Variants in JAKMIP3 observed in about 807,000 individuals in gnomAD.
JAKMIP3 encodes Janus kinase and microtubule interacting protein 3, also known as janus kinase and microtubule-interacting protein 3.
Under a neutral mutation model 118.5 loss-of-function variants are expected in JAKMIP3, and 58 were observed. The ratio of observed to expected loss-of-function variants is 0.49; its 90% confidence interval spans 0.40 to 0.61. JAKMIP3 has a LOEUF of 0.61. JAKMIP3 is among the 20% of genes least tolerant of loss of function. The pLI is 0.00. For missense variants in JAKMIP3, 950 were observed against 1,109.0 expected (o/e 0.86, Z 2.04); for synonymous variants, 486 against 451.2 (o/e 1.08, Z -0.98).
In JAKMIP3 at chr10:132,177,957, C is replaced by T. The variant is rs566904530; in HGVS notation, c.*1104-4400C>T. Among the ~76,000 whole-genome samples, 9 of 128,604 alleles carry T rather than the reference C, an allele frequency of 7.0e-5. 1 individual carries two copies. The highest frequency in any genetic ancestry group is 5.0e-4 in the East Asian group (2 of 3,968). The allele number at this position is 128,604 out of a possible 152,430, so 84.4% of individuals were successfully genotyped here. ...CTGCTCCTGTGCCCTGGGTAGTGTG[C>T]GTGTATGTGTGCACCTGCTCTTGTG... On this transcript the variant is annotated intron_variant, in intron 23 of 23. Transcript: ENST00000684848.
At chr10:132,070,086 G>A (rs2039588502) in intron 1 of JAKMIP3, among the ~76,000 whole-genome samples, 1 of 152,206 alleles carries the variant, frequency 6.6e-6, no homozygotes, top group African/African-American at 2.4e-5. Flanking sequence ...CCAACTCCCA[G>A]TGAGTGTCTC....
chr10:132,158,943 G>T (rs532583101), intron 19 of JAKMIP3, among the ~76,000 whole-genome samples: 4 of 132,746 alleles, frequency 3.0e-5, no homozygotes, highest in East Asian at 2.5e-4. Context: ...TGATGCTGGG[G>T]GGGGGGACCT....
At chr10:132,089,504 CTGTT>C (rs1189947153) in intron 1 of JAKMIP3, among the ~76,000 whole-genome samples, 4 of 152,146 alleles carry the variant, frequency 2.6e-5, no homozygotes, top group Admixed American at 6.5e-5. Flanking sequence ...ATTTGGCTCT[CTGTT>C]TGTCTGTTAT....
intron 22 of JAKMIP3, among the ~76,000 whole-genome samples, 152 bp downstream of exon 22, chr10:132,167,207 C>T (rs1320036745): frequency 6.6e-6 from 1 of 150,884 alleles, no homozygotes; most frequent in Non-Finnish European, 1.5e-5. Context: ...TAGAAAGCCA[C>T]CCGCGTCCTT....
intron 16 of JAKMIP3, among the ~76,000 whole-genome samples, chr10:132,152,729 A>T (rs1485591820): frequency 1.3e-5 from 2 of 152,188 alleles, no homozygotes; most frequent in Admixed American, 6.5e-5. Flanking sequence ...TTACCAGCAG[A>T]GGGAGAATGA....
upstream of JAKMIP3, among the ~76,000 whole-genome samples, chr10:132,061,137 C>T (rs1283871394): frequency 1.3e-5 from 2 of 152,360 alleles, no homozygotes; most frequent in South Asian, 2.1e-4. Flanking sequence ...GCACCACCTT[C>T]TTGCTAGTTG....
At chr10:132,124,523 G>A (rs577865561) in intron 3 of JAKMIP3, among the ~76,000 whole-genome samples, 19 of 149,980 alleles carry the variant, frequency 1.3e-4, no homozygotes, top group African/African-American at 3.6e-4. Flanking sequence ...ATCCCACCCC[G>A]GCACATCACA....
intron 23 of JAKMIP3, among the ~76,000 whole-genome samples, chr10:132,180,946 T>G (rs970500353): frequency 3.3e-5 from 5 of 152,142 alleles, no homozygotes; most frequent in Non-Finnish European, 7.4e-5. Flanking sequence ...TGTGTACACA[T>G]GTACAGTGCA....
rs1389490457 is a variant in JAKMIP3 at position 132,049,960 on chromosome 10, G to T, written c.-138+13222G>T. On this transcript the variant is annotated intron_variant, in intron 1 of 23. Transcript: ENST00000657785. The surrounding 1 kb of genome is among the most constrained non-coding windows in gnomAD (Gnocchi z 4.3). ...GGCGATGTCCACACATTTTAGTGAG[G>T]TTTTTTTGTTTCGTTTTGATGATGG... Among the ~76,000 whole-genome samples, 1 of 152,128 alleles carries T rather than the reference G, an allele frequency of 6.6e-6. No individual in the cohort carries two copies. The highest frequency in any genetic ancestry group is 2.1e-4 in the South Asian group (1 of 4,828).
At chr10:132,090,912 A>G (rs950978544) in intron 1 of JAKMIP3, among the ~76,000 whole-genome samples, 2 of 151,630 alleles carry the variant, frequency 1.3e-5, no homozygotes, top group Non-Finnish European at 2.9e-5. Context: ...TCTTGTGGGC[A>G]TTTAGTGCCA....
At chr10:132,097,910 TC>T (rs1372756388) in intron 1 of JAKMIP3, among the ~76,000 whole-genome samples, 906 of 59,260 alleles carry the variant, frequency 0.015, 156 homozygotes, top group East Asian at 0.029. Context: ...CCCTTCCCCT[TC>T]CCCTTCCCCT....
At chr10:132,178,243 G>A (rs149615141) in intron 23 of JAKMIP3, among the ~76,000 whole-genome samples, 3 of 152,372 alleles carry the variant, frequency 2.0e-5, no homozygotes, top group South Asian at 2.1e-4. Context: ...ATGGGGCTCC[G>A]CCGTGGTGGC....
intron 1 of JAKMIP3, among the ~76,000 whole-genome samples, chr10:132,103,738 A>G (rs766371648): frequency 6.6e-6 from 1 of 152,064 alleles, no homozygotes; most frequent in Non-Finnish European, 1.5e-5. Flanking sequence ...GCCTGTTAGA[A>G]GCTGGGCCAT....
intron 16 of JAKMIP3, 72 bp from the exon 17 acceptor site, chr10:132,152,886 T>A (rs567047805): frequency 8.9e-6 from 11 of 1,239,000 alleles, no homozygotes; most frequent in Non-Finnish European, 1.3e-5. Context: ...AGCTTCCCCA[T>A]GCATCCATCA....
rs544225082 is a variant in JAKMIP3 at position 132,134,513 on chromosome 10, T to C, written c.850-528T>C. 8.8e-4 allele frequency among the ~76,000 whole-genome samples: 134 copies of C among 152,340 alleles called. 1 individual carries two copies. The Middle Eastern group carries it at 0.02, about 23-fold the overall frequency. On this transcript the variant is annotated intron_variant, in intron 4 of 23. Transcript: ENST00000684848. ...CCCAGGGGTCCCAAAAGCGGCTCTTTAGAAGCCCCATTGGAGGCAGGTCAC... is the reference window on the plus strand; with the variant it reads ...CCCAGGGGTCCCAAAAGCGGCTCTTCAGAAGCCCCATTGGAGGCAGGTCAC...
chr10:132,109,620 C>T (rs895156258), intron 2 of JAKMIP3, among the ~76,000 whole-genome samples: 1 of 152,154 alleles, frequency 6.6e-6, no homozygotes, highest in Non-Finnish European at 1.5e-5. Flanking sequence ...CTGGAGCCTC[C>T]GGCCGCTTTT....
chr10:132,086,335 G>T (rs993977870), intron 1 of JAKMIP3, among the ~76,000 whole-genome samples: 1 of 152,174 alleles, frequency 6.6e-6, no homozygotes, highest in Non-Finnish European at 1.5e-5. Context: ...ATATTCTGCA[G>T]TCGTTGGGTA....
At chr10:132,145,237 G>A (rs1431510620) in intron 12 of JAKMIP3, 47 bp downstream of exon 12, 11 of 1,459,536 alleles carry the variant, frequency 7.5e-6, no homozygotes, top group Non-Finnish European at 1.0e-5. Flanking sequence ...ACGTGGGTGG[G>A]AGGTATTTGG....
At chr10:132,139,143 TGTGA>T (rs1442838077) in intron 9 of JAKMIP3, among the ~76,000 whole-genome samples, 67 of 151,456 alleles carry the variant, frequency 4.4e-4, no homozygotes, top group South Asian at 2.7e-3. Context: ...TGCATGTGTA[TGTGA>T]GTATGAGTGT....
Sources: gnomAD v4.1 joint callset for allele counts (sites outside exome capture counted in the v4.1 genomes callset) on GRCh38, gnomAD v4.1.1 for gene constraint, Gnocchi (gnomAD v3.1) non-coding constraint, MANE v1.5 for transcripts, NCBI Gene and HGNC (gene_info 2026-07-23, HGNC 2026-07-21) for gene names.